The following FAM13A variants were observed in gnomAD, a reference collection of about 807,000 sequenced individuals.
FAM13A encodes family with sequence similarity 13 member A.
A neutral mutation model predicts 129.6 loss-of-function variants in FAM13A; 76 were observed. That is an observed-to-expected ratio of 0.59 (90% CI 0.49 to 0.71). The LOEUF is 0.71. Ranked by LOEUF, FAM13A falls within the 30% of genes least tolerant of loss-of-function variation. FAM13A has a pLI of 0.00. For missense variants in FAM13A, 1,108 were observed against 1,249.3 expected, an observed-to-expected ratio of 0.89 and a Z score of 1.70; for synonymous variants, 443 against 449.9, an observed-to-expected ratio of 0.98 and a Z score of 0.20.
intron 4 of FAM13A, chr4:88,990,424 T>C (rs1202018334): frequency 2.6e-5 from 4 of 152,196 alleles, no homozygotes; most frequent in Non-Finnish European, 5.9e-5. Context: ...ATTTCACGTA[T>C]CAAAAATTAA....
chr4:89,022,148 A>G lies in FAM13A; in HGVS notation c.218-1479T>C, dbSNP rs1468626512. On this transcript the variant is annotated intron_variant, in intron 2 of 23. Transcript: ENST00000264344. ...TTTTTTAGAGGGGAGGTGATAATTTATATCAGCCTTTGCTTCTTTCCCTTA... is the reference window on the plus strand; with the variant it reads ...TTTTTTAGAGGGGAGGTGATAATTTGTATCAGCCTTTGCTTCTTTCCCTTA... 2.0e-5 allele frequency among the ~76,000 whole-genome samples: 3 copies of G among 152,308 alleles called. No individual in the cohort carries two copies. In the East Asian group the frequency reaches 5.8e-4, roughly 29 times the overall value.
chr4:88,936,085 T>C (rs980439828), intron 5 of FAM13A, among the ~76,000 whole-genome samples: 4 of 152,176 alleles, frequency 2.6e-5, no homozygotes, highest in African/African-American at 4.8e-5. Flanking sequence ...AAGACATCTG[T>C]ATTTGGCTCC....
chr4:88,902,401 T>G (rs565319567), intron 6 of FAM13A, among the ~76,000 whole-genome samples: 1 of 152,102 alleles, frequency 6.6e-6, no homozygotes, highest in Admixed American at 6.6e-5. Flanking sequence ...TCAAAAAGCA[T>G]ATGCACCATG....
At chr4:88,958,698 G>T (rs1023428218) in intron 4 of FAM13A, among the ~76,000 whole-genome samples, 1 of 152,202 alleles carries the variant, frequency 6.6e-6, no homozygotes, top group African/African-American at 2.4e-5. Flanking sequence ...GGGGAAACGT[G>T]GAGTTGGAGC....
chr4:88,922,778 G>T (rs1338122212), intron 5 of FAM13A, among the ~76,000 whole-genome samples: 2 of 151,922 alleles, frequency 1.3e-5, no homozygotes, highest in Admixed American at 6.6e-5. Context: ...TTTTTGAAAG[G>T]ATCAACAAAA....
At chr4:88,772,713 C>A (rs1237101342) in intron 11 of FAM13A, among the ~76,000 whole-genome samples, 1 of 152,186 alleles carries the variant, frequency 6.6e-6, no homozygotes, top group Non-Finnish European at 1.5e-5. Flanking sequence ...AGAACACTTA[C>A]ATTAGCTTAC....
Position 88,749,876 on chromosome 4 carries a change from A to T in FAM13A, c.1974T>A (p.Asp658Glu). ...GGGCAGGTGTCAGGTCCTCTTGCTC[A>T]TCATCATAGGACCCCAGAGAGGAGC... ...RRSSSLGSYD[D>E]EQEDLTPAQL... Residue 658 changes from aspartate to glutamate, a missense_variant, in exon 16 of 24, where the codon GAT (aspartate) becomes GAA (glutamate). Transcript: ENST00000264344. 1.9e-6 allele frequency: 3 copies of T among 1,613,936 alleles called. No homozygotes were observed. The highest frequency in any genetic ancestry group is 2.5e-6 in the Non-Finnish European group (3 of 1,179,938).
intron 4 of FAM13A, among the ~76,000 whole-genome samples, chr4:88,954,166 CATAA>C (rs1757373730): frequency 6.6e-6 from 1 of 152,174 alleles, no homozygotes; most frequent in Admixed American, 6.5e-5. Flanking sequence ...TTGGTCTACA[CATAA>C]TATTAATATG....
At chr4:88,867,993 T>C (rs1249093383) in intron 6 of FAM13A, among the ~76,000 whole-genome samples, 1 of 152,194 alleles carries the variant, frequency 6.6e-6, no homozygotes, top group Admixed American at 6.5e-5. Flanking sequence ...AACTCACTTC[T>C]AAAGTTTCCA....
intron 4 of FAM13A, among the ~76,000 whole-genome samples, chr4:88,974,825 T>C (rs1760677768): frequency 6.6e-6 from 1 of 152,058 alleles, no homozygotes. Context: ...AGTTCAGAGT[T>C]AGGTAAGTTT....
At chr4:88,995,123 C>T (rs780968784) in intron 3 of FAM13A, among the ~76,000 whole-genome samples, 1 of 151,278 alleles carries the variant, frequency 6.6e-6, no homozygotes, top group Non-Finnish European at 1.5e-5. Flanking sequence ...ATATTTGTTG[C>T]ACACATGCAC....
At position 88,749,779 on chromosome 4, in the gene FAM13A, T is replaced by A; in HGVS notation, c.2071A>T (p.Lys691Ter). 6.2e-7 allele frequency: 1 copy of A among 1,614,118 alleles called. No individual in the cohort carries two copies. Among genetic ancestry groups the A allele is most frequent in the Non-Finnish European group, 8.5e-7 (1 of 1,179,976 alleles). The change falls in exon 16 of 24, where the codon AAG becomes TAG. Residue 691 changes from lysine (K) to a stop codon, truncating the protein, a stop_gained. Coordinates refer to ENST00000264344, the MANE Select transcript of FAM13A (RefSeq NM_014883.4). LOFTEE classifies it high-confidence loss of function. Reference protein sequence around the residue: ...KFEDRFEEEKKYRPSHSDKAA... With the variant: ...KFEDRFEEEK ...TGTGAGGGGACACTTACTCTGTACTTCTTCTCTTCTTCGAATCTATCTTCA... is the reference window on the plus strand; with the variant it reads ...TGTGAGGGGACACTTACTCTGTACTACTTCTCTTCTTCGAATCTATCTTCA...
chr4:89,012,013 T>C (rs964813385), intron 3 of FAM13A, among the ~76,000 whole-genome samples: 12 of 152,236 alleles, frequency 7.9e-5, no homozygotes, highest in Admixed American at 7.9e-4. Flanking sequence ...TACTGATGGA[T>C]GATCTAATTC....
rs148369897 is a variant in FAM13A at position 88,816,783 on chromosome 4, T to C, written c.1008-11731A>G. 5.6e-3 allele frequency among the ~76,000 whole-genome samples: 856 copies of C among 152,342 alleles called. 3 individuals carry two copies. Among genetic ancestry groups the C allele is most frequent in the Admixed American group, 6.9e-3 (105 of 15,292 alleles). ...AGAGTGTTTTCCATTTGTTTCTACATATGTCACTGAACAAGTCATTTTGTT... is the reference window on the plus strand; with the variant it reads ...AGAGTGTTTTCCATTTGTTTCTACACATGTCACTGAACAAGTCATTTTGTT... On this transcript the variant is annotated intron_variant, in intron 7 of 23. Coordinates refer to ENST00000264344, the MANE Select transcript of FAM13A (RefSeq NM_014883.4).
chr4:88,959,397 T>A (rs796302762), intron 4 of FAM13A, among the ~76,000 whole-genome samples: 5 of 152,316 alleles, frequency 3.3e-5, no homozygotes, highest in African/African-American at 1.2e-4. Context: ...GCTTGGGCCA[T>A]CCCCTTGGTG....
At chr4:88,737,177 C>G (rs535137425) in intron 21 of FAM13A, among the ~76,000 whole-genome samples, 5 of 152,100 alleles carry the variant, frequency 3.3e-5, no homozygotes, top group African/African-American at 4.8e-5. Context: ...GACAACAAAA[C>G]CAAACAAAAT....
intron 6 of FAM13A, among the ~76,000 whole-genome samples, chr4:88,892,109 G>C (rs1745411275): frequency 6.6e-6 from 1 of 151,870 alleles, no homozygotes; most frequent in Non-Finnish European, 1.5e-5. Context: ...AGGAGGCTGA[G>C]GTTTCAGTGA....
intron 2 of FAM13A, among the ~76,000 whole-genome samples, chr4:89,022,031 T>C (rs1767335382): frequency 6.6e-6 from 1 of 152,168 alleles, no homozygotes; most frequent in South Asian, 2.1e-4. Context: ...ACAATCTTTC[T>C]AAGAAAGAGC....
chr4:88,808,206 G>A (rs898365054), intron 7 of FAM13A, among the ~76,000 whole-genome samples: 2 of 152,064 alleles, frequency 1.3e-5, no homozygotes, highest in African/African-American at 4.8e-5. Context: ...CTAAATCATT[G>A]ATTTCAAATT....
Sources: allele counts gnomAD v4.1 joint callset (sites outside exome capture counted in the v4.1 genomes callset), GRCh38; gene constraint gnomAD v4.1.1; transcripts MANE v1.5; gene names NCBI Gene and HGNC (gene_info 2026-07-23, HGNC 2026-07-21).